The following PDE1A variants were observed in gnomAD, a reference collection of about 807,000 sequenced individuals.
The protein encoded by PDE1A is dual specificity calcium/calmodulin-dependent 3',5'-cyclic nucleotide phosphodiesterase 1A.
Under a neutral mutation model 61.7 loss-of-function variants are expected in PDE1A, and 35 were observed. The observed-to-expected ratio is 0.57, with a 90% CI of 0.43 to 0.75. The LOEUF (loss-of-function observed/expected upper bound fraction) is 0.75, where lower values mean the gene tolerates loss of function less well. PDE1A is among the 30% of genes least tolerant of loss of function. The pLI, the probability that PDE1A is intolerant of heterozygous loss-of-function variation, is 0.00. For synonymous variants in PDE1A, 232 were observed against 213.2 expected (o/e 1.09, Z -0.77); for missense variants, 597 against 630.6 (o/e 0.95, Z 0.57).
exon 9 of PDE1A, chr2:182,201,722 T>C (rs2125474869): frequency 6.2e-7 from 1 of 1,611,240 alleles, no homozygotes. Flanking sequence ...CTTATATTTT[T>C]AATTTGCTGG....
chr2:182,516,971 A>G (rs968384939), intron 2 of PDE1A, among the ~76,000 whole-genome samples: 1 of 152,006 alleles, frequency 6.6e-6, no homozygotes, highest in African/African-American at 2.4e-5. Context: ...TGCTCCTTTA[A>G]TTCTCCCTTT....
At chr2:182,396,835 G>A (rs1362873053) in intron 1 of PDE1A, among the ~76,000 whole-genome samples, 2 of 152,150 alleles carry the variant, frequency 1.3e-5, no homozygotes, top group Non-Finnish European at 2.9e-5. Flanking sequence ...TTGACAAGGG[G>A]TGGACTTATG....
At chr2:182,536,796 T>C in the PDE1A span, among the ~76,000 whole-genome samples, 1 of 152,164 alleles carries the variant, frequency 6.6e-6, no homozygotes, top group African/African-American at 2.4e-5. Flanking sequence ...TAAATGGTGG[T>C]ATGGCTTCTA....
At chr2:182,149,982 C>CTA (rs1335911883) in intron 13 of PDE1A, among the ~76,000 whole-genome samples, 3 of 152,118 alleles carry the variant, frequency 2.0e-5, no homozygotes, top group African/African-American at 7.2e-5. Flanking sequence ...TAGTGATGTG[C>CTA]TATAGTGTTA....
the PDE1A span, chr2:182,715,922 G>C: frequency 1.3e-5 from 2 of 152,122 alleles, no homozygotes; most frequent in Non-Finnish European, 2.9e-5. Flanking sequence ...CCCTTTAAAA[G>C]ACTCTCAGGG....
intron 13 of PDE1A, among the ~76,000 whole-genome samples, chr2:182,153,435 T>G (rs1344513575): frequency 6.6e-6 from 1 of 152,206 alleles, no homozygotes; most frequent in Non-Finnish European, 1.5e-5. Context: ...AAAACTACTG[T>G]GAGCTCCTAC....
chr2:182,629,088 C>T, the PDE1A span, among the ~76,000 whole-genome samples: 1 of 152,152 alleles, frequency 6.6e-6, no homozygotes, highest in Admixed American at 6.6e-5. Flanking sequence ...ATAAGGGTGG[C>T]CTCCAGCCAA....
the PDE1A span, among the ~76,000 whole-genome samples, chr2:182,702,354 C>T: frequency 6.6e-6 from 1 of 152,140 alleles, no homozygotes; most frequent in Non-Finnish European, 1.5e-5. Flanking sequence ...CCACCCACCT[C>T]GGCCTCCCAA....
chr2:182,295,478 G>T (rs1359974962), intron 1 of PDE1A, among the ~76,000 whole-genome samples: 1 of 152,166 alleles, frequency 6.6e-6, no homozygotes, highest in Non-Finnish European at 1.5e-5. Context: ...TCACATCAAT[G>T]GTGTGTTCAC....
chr2:182,533,556 A>G, the PDE1A span, among the ~76,000 whole-genome samples: 2 of 152,178 alleles, frequency 1.3e-5, no homozygotes, highest in Non-Finnish European at 2.9e-5. Flanking sequence ...ATTAAATGAT[A>G]CTGTTTAAAG....
chr2:182,343,355 G>A (rs1370666), intron 1 of PDE1A, among the ~76,000 whole-genome samples: 50,255 of 152,018 alleles, frequency 0.33, 10,040 homozygotes, highest in Middle Eastern at 0.45. Flanking sequence ...TAGATATACA[G>A]CACTATACCA....
chr2:182,593,107 G>GC, the PDE1A span, among the ~76,000 whole-genome samples: 1 of 152,186 alleles, frequency 6.6e-6, no homozygotes, highest in African/African-American at 2.4e-5. Flanking sequence ...AGAGTTCTAT[G>GC]CCCCTGAGAG....
At chr2:182,457,859 G>C (rs1276140317) in intron 2 of PDE1A, among the ~76,000 whole-genome samples, 5 of 151,984 alleles carry the variant, frequency 3.3e-5, no homozygotes, top group African/African-American at 4.8e-5. Context: ...AGTAAGAATA[G>C]GTTTGGTTTA....
the PDE1A span, among the ~76,000 whole-genome samples, chr2:182,693,449 T>C: frequency 6.6e-6 from 1 of 152,238 alleles, no homozygotes. Flanking sequence ...TTTTATGTGC[T>C]TGCAGGTCAT....
intron 1 of PDE1A, among the ~76,000 whole-genome samples, chr2:182,304,615 C>CTAAG (rs1244637512): frequency 2.6e-5 from 4 of 152,090 alleles, no homozygotes; most frequent in African/African-American, 9.7e-5. Flanking sequence ...AGAGGTCATT[C>CTAAG]TAAGGTTAAC....
chr2:182,354,953 G>A (rs11682598), intron 1 of PDE1A, among the ~76,000 whole-genome samples: 9 of 151,830 alleles, frequency 5.9e-5, no homozygotes, highest in African/African-American at 2.2e-4. Flanking sequence ...TTTTTAATAA[G>A]GTTCCTAGAG....
At chr2:182,707,293 A>G in the PDE1A span, among the ~76,000 whole-genome samples, 3 of 152,196 alleles carry the variant, frequency 2.0e-5, no homozygotes. Flanking sequence ...GAAAAAGGAA[A>G]TAAAGATAAG....
chr2:182,590,899 T>C, the PDE1A span, among the ~76,000 whole-genome samples: 1 of 152,200 alleles, frequency 6.6e-6, no homozygotes, highest in Admixed American at 6.5e-5. Flanking sequence ...CACAATTGGA[T>C]CTAAGACATA....
chr2:182,540,384 A>AAGCAGCAGC, the PDE1A span, among the ~76,000 whole-genome samples: 3 of 77,460 alleles, frequency 3.9e-5, no homozygotes, highest in Non-Finnish European at 6.3e-5. Flanking sequence ...AAAAAAAAAA[A>AAGCAGCAGC]AGCAGCAGCA....
Sources: allele counts gnomAD v4.1 joint callset (sites outside exome capture counted in the v4.1 genomes callset), GRCh38; gene constraint gnomAD v4.1.1; transcripts MANE v1.5; gene names NCBI Gene and HGNC (gene_info 2026-07-23, HGNC 2026-07-21).